Variants in ALMS1 observed in about 807,000 individuals in gnomAD.
The protein encoded by ALMS1 is centrosome-associated protein ALMS1.
Under a neutral mutation model 352.2 loss-of-function variants are expected in ALMS1, and 271 were observed. The ratio of observed to expected loss-of-function variants is 0.77; its 90% confidence interval spans 0.70 to 0.85. ALMS1 has a LOEUF of 0.85. ALMS1 is among the 40% of genes least tolerant of loss of function. The pLI, the probability that ALMS1 is intolerant of heterozygous loss-of-function variation, is 0.00. For missense variants in ALMS1, 5,445 were observed against 4,870.7 expected (o/e 1.12, Z -3.51); for synonymous variants, 1,865 against 1,761.2 (o/e 1.06, Z -1.48).
chr2:73,419,431 C>T (rs1432858251), intron 3 of ALMS1, 113 bp downstream of exon 3: 43 of 945,058 alleles, frequency 4.5e-5, no homozygotes, highest in Non-Finnish European at 6.9e-5. Context: ...TAGAGACCTA[C>T]TCAGAGGGAT....
chr2:73,423,389 A>G (rs1364043406), intron 4 of ALMS1, among the ~76,000 whole-genome samples: 1 of 152,156 alleles, frequency 6.6e-6, no homozygotes, highest in Non-Finnish European at 1.5e-5. Context: ...ATTGAATGAG[A>G]CTAGTTAGCT....
Position 73,551,673 on chromosome 2 carries a change from T to C in ALMS1, c.10078+1236T>C, listed in dbSNP as rs550325003. On this transcript the variant is annotated intron_variant, in intron 13 of 22. Transcript: ENST00000613296. ...CTGGTCTTGAACTCCAGACCTCAGATGATCTGCCTGCCTCGGCCTCCCAAA... is the reference window on the plus strand; with the variant it reads ...CTGGTCTTGAACTCCAGACCTCAGACGATCTGCCTGCCTCGGCCTCCCAAA... Among the ~76,000 whole-genome samples the C allele has an allele frequency of 2.6e-5, 4 of 152,030 alleles. 1 individual carries two copies. The East Asian group carries it at 7.8e-4, about 30-fold the overall frequency.
chr2:73,581,730 A>G (rs115026686), intron 16 of ALMS1, among the ~76,000 whole-genome samples: 1,529 of 151,754 alleles, frequency 0.01, 37 homozygotes, highest in African/African-American at 0.035. Context: ...CAAAATAACT[A>G]GAGTGACATC....
intron 16 of ALMS1, among the ~76,000 whole-genome samples, chr2:73,598,235 A>G (rs531056186): frequency 5.9e-5 from 9 of 152,250 alleles, no homozygotes; most frequent in Admixed American, 5.9e-4. Context: ...ATGGTATGCT[A>G]TGTATTCTTT....
chr2:73,492,036 C>T (rs940695405), intron 10 of ALMS1, among the ~76,000 whole-genome samples: 3 of 152,124 alleles, frequency 2.0e-5, no homozygotes, highest in African/African-American at 7.2e-5. Flanking sequence ...AAACATCTGT[C>T]AACATAATGT....
At chr2:73,479,648 G>C (rs901222728) in intron 9 of ALMS1, among the ~76,000 whole-genome samples, 1 of 152,136 alleles carries the variant, frequency 6.6e-6, no homozygotes, top group East Asian at 1.9e-4. Flanking sequence ...TTGTTTCCCA[G>C]TTTTTGGCTT....
intron 16 of ALMS1, among the ~76,000 whole-genome samples, chr2:73,583,133 T>G (rs1215014238): frequency 6.6e-6 from 1 of 152,150 alleles, no homozygotes; most frequent in Non-Finnish European, 1.5e-5. Context: ...GAGCATTTTT[T>G]TATATGCTTT....
intron 15 of ALMS1, among the ~76,000 whole-genome samples, chr2:73,568,803 A>G (rs1674855501): frequency 6.6e-6 from 1 of 152,088 alleles, no homozygotes; most frequent in Admixed American, 6.6e-5. Flanking sequence ...ATGTACTTTT[A>G]TATATTCGGG....
In ALMS1 at chr2:73,467,093, T is replaced by C. The variant is rs548432768; in HGVS notation, c.7674+11798T>C. On this transcript the variant is annotated intron_variant, in intron 9 of 22. Transcript: ENST00000613296. ...TCATGATGTTGGGTTAGGCAAAGGT[T>C]TCTTAAACAAGAACAAAAATACACT... 2.5e-5 allele frequency among the ~76,000 whole-genome samples: 3 copies of C among 117,906 alleles called. No homozygotes were observed. In the East Asian group the frequency reaches 6.9e-4, roughly 27 times the overall value. 77.4% of individuals were successfully genotyped at this position (117,906 alleles called of 152,430 possible). A position where few individuals can be genotyped will look rare whatever the true frequency, so the allele number is the denominator to read the frequency against.
chr2:73,428,964 G>A (rs1671448173), intron 6 of ALMS1, among the ~76,000 whole-genome samples: 1 of 152,126 alleles, frequency 6.6e-6, no homozygotes, highest in South Asian at 2.1e-4. Flanking sequence ...ATGTATGATG[G>A]AGCTTGGAAC....
At chr2:73,570,697 G>A (rs758447338) in intron 15 of ALMS1, among the ~76,000 whole-genome samples, 5 of 152,176 alleles carry the variant, frequency 3.3e-5, no homozygotes, top group Non-Finnish European at 5.9e-5. Flanking sequence ...GGTCTGGAAG[G>A]GAAGATGAGT....
intron 7 of ALMS1, among the ~76,000 whole-genome samples, chr2:73,438,391 T>C (rs1372608663): frequency 6.6e-6 from 1 of 152,202 alleles, no homozygotes; most frequent in Non-Finnish European, 1.5e-5. Context: ...GTAGACACAC[T>C]TAACATAATT....
At chr2:73,430,133 G>A (rs1246207929) in intron 6 of ALMS1, among the ~76,000 whole-genome samples, 2 of 148,526 alleles carry the variant, frequency 1.3e-5, no homozygotes, top group East Asian at 3.9e-4. Context: ...CTGGAATGCA[G>A]TGGTGCGGTC....
chr2:73,570,522 A>G (rs541283596), intron 15 of ALMS1, among the ~76,000 whole-genome samples: 1 of 152,274 alleles, frequency 6.6e-6, no homozygotes, highest in South Asian at 2.1e-4. Context: ...GGAGAGGAAA[A>G]TAGGTTCCTC....
chr2:73,480,032 CTG>C (rs1471986578), intron 9 of ALMS1, among the ~76,000 whole-genome samples: 2 of 151,740 alleles, frequency 1.3e-5, no homozygotes, highest in Admixed American at 1.3e-4. Context: ...AGTGAAATGT[CTG>C]TATCTTTTGC....
chr2:73,390,887 C>T (rs941065359), intron 1 of ALMS1, among the ~76,000 whole-genome samples: 1 of 152,122 alleles, frequency 6.6e-6, no homozygotes, highest in Non-Finnish European at 1.5e-5. Flanking sequence ...TCTCCTGCCT[C>T]AGCCTCCGCA....
At chr2:73,404,516 T>C (rs946651971) in intron 1 of ALMS1, among the ~76,000 whole-genome samples, 2 of 152,122 alleles carry the variant, frequency 1.3e-5, no homozygotes, top group African/African-American at 4.8e-5. Context: ...TGTGAAGTGC[T>C]ATTTCGGTTT....
chr2:73,406,436 GTT>G (rs555343293), intron 1 of ALMS1, among the ~76,000 whole-genome samples: 3 of 122,030 alleles, frequency 2.5e-5, no homozygotes, highest in Middle Eastern at 4.3e-3. Flanking sequence ...AATCCTATGG[GTT>G]TTTTTTTTTT....
At chr2:73,556,405 A>G (rs1674542872) in intron 13 of ALMS1, among the ~76,000 whole-genome samples, 2 of 152,328 alleles carry the variant, frequency 1.3e-5, no homozygotes, top group Admixed American at 6.5e-5. Flanking sequence ...TCAAAAAAGT[A>G]GAAAAGAGAA....
Sources: allele counts gnomAD v4.1 joint callset (sites outside exome capture counted in the v4.1 genomes callset), GRCh38; gene constraint gnomAD v4.1.1; transcripts MANE v1.5; gene names NCBI Gene and HGNC (gene_info 2026-07-23, HGNC 2026-07-21).